The following FSTL5 variants were observed in gnomAD, a reference collection of about 807,000 sequenced individuals.
FSTL5 encodes the protein follistatin like 5.
In FSTL5, 62 loss-of-function variants were observed where a neutral mutation model predicts 89.1. That is an observed-to-expected ratio of 0.70 (90% confidence interval 0.57 to 0.86). The LOEUF is 0.86. Among genes scored for constraint, FSTL5 ranks in the 40% least tolerant of loss-of-function variants. FSTL5 has a pLI of 0.00. For synonymous variants in FSTL5, 383 were observed against 346.2 expected (o/e 1.11, Z -1.18); for missense variants, 1,057 against 1,001.6 (o/e 1.06, Z -0.75).
At chr4:162,065,076 T>A (rs1318865089) in intron 2 of FSTL5, among the ~76,000 whole-genome samples, 1 of 151,992 alleles carries the variant, frequency 6.6e-6, no homozygotes, top group Non-Finnish European at 1.5e-5. Flanking sequence ...ATTAGGCCCA[T>A]GTCTTACACT....
Position 161,877,506 on chromosome 4 carries a change from TA to T in FSTL5, c.409+42897del, listed in dbSNP as rs376220001. On this transcript the variant is annotated intron_variant, in intron 4 of 15. Transcript: ENST00000306100. ...TTAAATTTTGCATAGTTCACAATTT[TA>T]AAAAAACTTCAGTAATATTTTTGAC... Among the ~76,000 whole-genome samples the T allele has an allele frequency of 3.6e-4, 55 of 151,662 alleles. No individual in the cohort carries two copies. In the East Asian group the frequency reaches 8.9e-3, roughly 25 times the overall value.
At chr4:161,485,071 C>T (rs1206189358) in intron 12 of FSTL5, among the ~76,000 whole-genome samples, 3 of 152,106 alleles carry the variant, frequency 2.0e-5, no homozygotes, top group Non-Finnish European at 4.4e-5. Flanking sequence ...GGTGTTGTAA[C>T]CCAACTACAA....
At chr4:161,905,582 G>A (rs551594659) in intron 4 of FSTL5, among the ~76,000 whole-genome samples, 3 of 152,174 alleles carry the variant, frequency 2.0e-5, no homozygotes, top group African/African-American at 7.2e-5. Context: ...TTCTGTTGAT[G>A]TGAAGACTCT....
intron 3 of FSTL5, among the ~76,000 whole-genome samples, chr4:161,957,574 C>T (rs966223625): frequency 3.3e-5 from 5 of 152,016 alleles, no homozygotes; most frequent in African/African-American, 7.2e-5. Context: ...AATATGCCCA[C>T]AACAGCTTGC....
intron 4 of FSTL5, among the ~76,000 whole-genome samples, chr4:161,778,016 C>T (rs1352578575): frequency 6.6e-6 from 1 of 152,010 alleles, no homozygotes; most frequent in Non-Finnish European, 1.5e-5. Context: ...ATCGCTGGAA[C>T]CCCGGAGGCA....
At chr4:161,734,754 G>A (rs900166821) in intron 6 of FSTL5, among the ~76,000 whole-genome samples, 2 of 152,180 alleles carry the variant, frequency 1.3e-5, no homozygotes, top group African/African-American at 4.8e-5. Context: ...GGAGACATTT[G>A]TGACCAATAT....
At chr4:161,614,147 CTG>C (rs1285492055) in intron 7 of FSTL5, among the ~76,000 whole-genome samples, 1 of 152,090 alleles carries the variant, frequency 6.6e-6, no homozygotes, top group Non-Finnish European at 1.5e-5. Flanking sequence ...CTAAAATCTT[CTG>C]TCATATTTTG....
intron 7 of FSTL5, among the ~76,000 whole-genome samples, chr4:161,615,172 T>C (rs1171393893): frequency 6.6e-6 from 1 of 151,228 alleles, no homozygotes; most frequent in Non-Finnish European, 1.5e-5. Context: ...CGGGCGCCTG[T>C]AGTCCCAGCT....
intron 1 of FSTL5, among the ~76,000 whole-genome samples, chr4:162,153,745 A>ATAC (rs375756150): frequency 3.0e-4 from 33 of 109,848 alleles, no homozygotes; most frequent in East Asian, 3.0e-3. Context: ...TGTATATAAT[A>ATAC]ATATACATGT....
intron 1 of FSTL5, among the ~76,000 whole-genome samples, chr4:162,121,949 C>T (rs76412830): frequency 0.14 from 20,964 of 151,882 alleles, 2,001 homozygotes; most frequent in Non-Finnish European, 0.19. Flanking sequence ...TTCTTAATAA[C>T]ATTTCTTTTC....
intron 4 of FSTL5, among the ~76,000 whole-genome samples, chr4:161,908,347 C>T (rs890401974): frequency 2.0e-5 from 3 of 151,906 alleles, no homozygotes; most frequent in East Asian, 1.9e-4. Flanking sequence ...GACACACATA[C>T]GAACATACTT....
Position 161,556,370 on chromosome 4 carries a change from C to T in FSTL5, c.1016-13677G>A, listed in dbSNP as rs572744760. On this transcript the variant is annotated intron_variant, in intron 8 of 15. Transcript: ENST00000306100. The stretch of plus-strand genomic sequence containing the variant: ...TTCTTACAGCTAGTTCTCTAGCTAG[C>T]CTTATTTTCTACCACCGTTTGTGTA... 2.0e-3 allele frequency among the ~76,000 whole-genome samples: 298 copies of T among 151,558 alleles called. 3 individuals are homozygous for T. Among genetic ancestry groups the T allele is most frequent in the African/African-American group, 7.0e-3 (289 of 41,438 alleles).
At chr4:162,126,153 C>T (rs532915058) in intron 1 of FSTL5, among the ~76,000 whole-genome samples, 2 of 152,074 alleles carry the variant, frequency 1.3e-5, no homozygotes, top group African/African-American at 4.8e-5. Flanking sequence ...AACTGCTGTG[C>T]TTGCCATTTT....
intron 10 of FSTL5, among the ~76,000 whole-genome samples, chr4:161,535,166 A>G (rs1374640553): frequency 1.3e-5 from 2 of 152,112 alleles, no homozygotes; most frequent in African/African-American, 4.8e-5. Context: ...GTTTTGGCAG[A>G]GAATTTATGG....
At chr4:161,865,374 T>C (rs926750914) in intron 4 of FSTL5, among the ~76,000 whole-genome samples, 3 of 152,188 alleles carry the variant, frequency 2.0e-5, no homozygotes, top group Non-Finnish European at 4.4e-5. Flanking sequence ...TATAAGTCAG[T>C]TGAAGAATAA....
intron 15 of FSTL5, among the ~76,000 whole-genome samples, chr4:161,423,838 T>C (rs1424245713): frequency 6.7e-6 from 1 of 150,334 alleles, no homozygotes; most frequent in Non-Finnish European, 1.5e-5. Flanking sequence ...AGTATTTTTA[T>C]TTTATTTTAT....
At position 161,987,252 on chromosome 4, in the gene FSTL5, G is replaced by T. The variant is rs150063425; in HGVS notation, c.160+46373C>A. Among the ~76,000 whole-genome samples, 508 of 151,986 alleles carry T rather than the reference G, an allele frequency of 3.3e-3. 6 individuals are homozygous for T. The highest frequency in any genetic ancestry group is 0.011 in the African/African-American group (469 of 41,484). ...GACTTTCTTTCTTATGGCTTATAGAGTTTTGTTCTGTTGGTGGCTGTTTTT... is the reference window on the plus strand; with the variant it reads ...GACTTTCTTTCTTATGGCTTATAGATTTTTGTTCTGTTGGTGGCTGTTTTT... On this transcript the variant is annotated intron_variant, in intron 3 of 15. Coordinates refer to ENST00000306100, the MANE Select transcript of FSTL5 (RefSeq NM_020116.5).
chr4:161,831,701 T>G (rs1237780645), intron 4 of FSTL5, among the ~76,000 whole-genome samples: 1 of 151,898 alleles, frequency 6.6e-6, no homozygotes, highest in Non-Finnish European at 1.5e-5. Flanking sequence ...AAGTAAGAAC[T>G]TTTTAGGAAT....
At chr4:161,903,985 T>A (rs1186207210) in intron 4 of FSTL5, among the ~76,000 whole-genome samples, 1 of 152,046 alleles carries the variant, frequency 6.6e-6, no homozygotes, top group African/African-American at 2.4e-5. Context: ...AACTCAAGCC[T>A]ATCTAGTGAG....
Sources: gnomAD v4.1 joint callset for allele counts (sites outside exome capture counted in the v4.1 genomes callset) on GRCh38, gnomAD v4.1.1 for gene constraint, MANE v1.5 for transcripts, NCBI Gene and HGNC (gene_info 2026-07-23, HGNC 2026-07-21) for gene names.